RORA: variants seen among roughly 807,000 people sequenced by gnomAD.
The protein encoded by RORA is nuclear receptor ROR-alpha.
RORA carries 7 observed loss-of-function variants against 69.5 expected under a neutral mutation model. That is an observed-to-expected ratio of 0.10 (90% CI 0.06 to 0.19). The LOEUF is 0.19. Ranked by LOEUF, RORA falls within the 10% of genes least tolerant of loss-of-function variation. The probability of loss-of-function intolerance (pLI) is 1.00; values close to 1 mark genes in which losing one functional copy is unlikely to be tolerated. For missense variants in RORA, 457 were observed against 663.0 expected, an observed-to-expected ratio of 0.69 and a Z score of 3.41; for synonymous variants, 261 against 240.8, an observed-to-expected ratio of 1.08 and a Z score of -0.78.
chr15:60,703,117 C>A (rs2071008467), intron 1 of RORA, among the ~76,000 whole-genome samples: 1 of 140,398 alleles, frequency 7.1e-6, no homozygotes, highest in South Asian at 2.4e-4. Flanking sequence ...GGAGACGATG[C>A]TTCAGATTAA....
rs76714858 is a variant in RORA at position 60,867,909 on chromosome 15, A to G, written c.167-189223T>C. 3.0e-3 allele frequency among the ~76,000 whole-genome samples: 455 copies of G among 152,294 alleles called. 4 individuals carry two copies. The highest frequency in any genetic ancestry group is 0.011 in the African/African-American group (443 of 41,554). Reference sequence around the variant, plus strand: ...TGATGCACTCTTTCTTGTTCTATATAATATGTATAGTATATTTTTAATCTG... The same window carrying G: ...TGATGCACTCTTTCTTGTTCTATATGATATGTATAGTATATTTTTAATCTG... On this transcript the variant is annotated intron_variant, in intron 1 of 10. Transcript: ENST00000335670.
chr15:60,781,307 A>G (rs2140338819), intron 1 of RORA, among the ~76,000 whole-genome samples: 1 of 152,260 alleles, frequency 6.6e-6, no homozygotes. Flanking sequence ...TTGAACTTGC[A>G]TGCTTTATGG....
chr15:60,993,272 A>G (rs528384376), intron 1 of RORA, among the ~76,000 whole-genome samples: 27 of 152,318 alleles, frequency 1.8e-4, no homozygotes, highest in African/African-American at 6.3e-4. Context: ...ACTGACCTTC[A>G]TAACATTATT....
chr15:60,725,167 T>C (rs1281197285), intron 1 of RORA, among the ~76,000 whole-genome samples: 1 of 152,192 alleles, frequency 6.6e-6, no homozygotes, highest in Non-Finnish European at 1.5e-5. Flanking sequence ...ATGGACACTT[T>C]TAATTATCTT....
rs571132938 is a variant in RORA at position 60,822,810 on chromosome 15, G to A, written c.167-144124C>T. On this transcript the variant is annotated intron_variant, in intron 1 of 10. Transcript: ENST00000335670. ...GAGTGGGGCCAGGCATCAGTATTTC[G>A]TTTAAAGGCACCACCCCCTGGCTCC... is the stretch of plus-strand genomic sequence containing the variant. Among the ~76,000 whole-genome samples the A allele has an allele frequency of 2.8e-4, 43 of 152,232 alleles. No individual in the cohort carries two copies. The South Asian group carries it at 6.2e-3, about 22-fold the overall frequency.
At chr15:60,542,611 T>A (rs1158206918) in intron 2 of RORA, among the ~76,000 whole-genome samples, 2 of 90,040 alleles carry the variant, frequency 2.2e-5, no homozygotes, top group African/African-American at 1.1e-4. Context: ...CATGCACACC[T>A]CACACACGGC....
At chr15:60,643,120 G>A (rs914256181) in intron 2 of RORA, among the ~76,000 whole-genome samples, 8 of 152,162 alleles carry the variant, frequency 5.3e-5, no homozygotes, top group African/African-American at 1.9e-4. Context: ...TTGCGCCACT[G>A]CACTCCATCA....
intron 1 of RORA, among the ~76,000 whole-genome samples, chr15:60,837,126 C>T (rs2073127954): frequency 6.6e-6 from 1 of 151,832 alleles, no homozygotes; most frequent in African/African-American, 2.4e-5. Context: ...CCCACCTCAG[C>T]CTCCCAAAGT....
At chr15:60,788,452 T>A (rs1186396567) in intron 1 of RORA, among the ~76,000 whole-genome samples, 2 of 152,202 alleles carry the variant, frequency 1.3e-5, no homozygotes, top group Non-Finnish European at 2.9e-5. Flanking sequence ...CAAACTCCCC[T>A]CGATTGACTG....
chr15:60,749,775 C>T (rs566603075), intron 1 of RORA, among the ~76,000 whole-genome samples: 17 of 152,258 alleles, frequency 1.1e-4, no homozygotes, highest in African/African-American at 4.1e-4. Flanking sequence ...TACCTGTAAT[C>T]CCAACATTTT....
chr15:60,820,919 G>A (rs1046091956), intron 1 of RORA, among the ~76,000 whole-genome samples: 2 of 152,130 alleles, frequency 1.3e-5, no homozygotes, highest in Non-Finnish European at 2.9e-5. Context: ...TCTGGTTGTG[G>A]TACAGGGATC....
At chr15:61,217,051 G>A (rs1309287493) in intron 1 of RORA, among the ~76,000 whole-genome samples, 4 of 152,142 alleles carry the variant, frequency 2.6e-5, no homozygotes, top group South Asian at 2.1e-4. Flanking sequence ...AGTCCAAACC[G>A]AAGGCCCCAT....
At chr15:61,154,301 T>A (rs1175084794) in intron 1 of RORA, among the ~76,000 whole-genome samples, 1 of 152,174 alleles carries the variant, frequency 6.6e-6, no homozygotes, top group East Asian at 1.9e-4. Context: ...GGTAGGCTGA[T>A]TCAATATTTA....
At chr15:60,832,144 A>T (rs1197281423) in intron 1 of RORA, among the ~76,000 whole-genome samples, 1 of 152,234 alleles carries the variant, frequency 6.6e-6, no homozygotes, top group African/African-American at 2.4e-5. Flanking sequence ...CATATTTTCC[A>T]TCCTTTCTTG....
rs56285225 is a variant in RORA, at chr15:60,641,534, C to T, written c.196+37123G>A. ...AAGTGATTCTCCTGCCTCAGCCTCT[C>T]GAGTAGCTGGGATTACAGGCATGTG... On this transcript the variant is annotated intron_variant, in intron 2 of 10. Coordinates refer to ENST00000335670, the MANE Select transcript of RORA (RefSeq NM_134261.3). 5.3e-3 allele frequency among the ~76,000 whole-genome samples: 801 copies of T among 152,202 alleles called. 9 individuals are homozygous for T. Among genetic ancestry groups the T allele is most frequent in the African/African-American group, 0.018 (762 of 41,508 alleles).
chr15:61,103,446 C>T (rs1260611133), intron 1 of RORA, among the ~76,000 whole-genome samples: 1 of 152,192 alleles, frequency 6.6e-6, no homozygotes, highest in Non-Finnish European at 1.5e-5. Flanking sequence ...GGGTTAAGAA[C>T]TTTCTCCAAG....
Position 61,121,790 on chromosome 15 carries a change from A to C in RORA, c.166+107263T>G, listed in dbSNP as rs73432713. On this transcript the variant is annotated intron_variant, in intron 1 of 10. Coordinates refer to ENST00000335670, the MANE Select transcript of RORA (RefSeq NM_134261.3). ...ACCCATCCAGTGATGGCATTAAGGAAATCCTCAAAGCCCTTAGCAATGTAA... is the reference window on the plus strand; with the variant it reads ...ACCCATCCAGTGATGGCATTAAGGACATCCTCAAAGCCCTTAGCAATGTAA... 3.1e-3 allele frequency among the ~76,000 whole-genome samples: 473 copies of C among 151,864 alleles called. 2 individuals are homozygous for C. The highest frequency in any genetic ancestry group is 0.011 in the African/African-American group (438 of 41,354).
At chr15:60,592,224 G>A (rs1481084197) in intron 2 of RORA, among the ~76,000 whole-genome samples, 1 of 151,696 alleles carries the variant, frequency 6.6e-6, no homozygotes, top group African/African-American at 2.4e-5. Context: ...GGGCTCAGGT[G>A]GCGCCGCGGC....
chr15:60,533,256 G>A (rs1207649559), intron 2 of RORA, among the ~76,000 whole-genome samples: 4 of 152,138 alleles, frequency 2.6e-5, no homozygotes, highest in Non-Finnish European at 5.9e-5. Flanking sequence ...TGCATACTGA[G>A]TTTCTTTGCT....
Sources: allele counts gnomAD v4.1 joint callset (sites outside exome capture counted in the v4.1 genomes callset), GRCh38; gene constraint gnomAD v4.1.1; transcripts MANE v1.5; gene names NCBI Gene and HGNC (gene_info 2026-07-23, HGNC 2026-07-21).